The following PTPRM variants were observed in gnomAD, a reference collection of about 807,000 sequenced individuals.
PTPRM encodes protein tyrosine phosphatase receptor type M, also known as receptor-type tyrosine-protein phosphatase mu.
A neutral mutation model predicts 186.7 loss-of-function variants in PTPRM; 47 were observed. The ratio of observed to expected loss-of-function variants is 0.25; its 90% CI spans 0.20 to 0.32. The LOEUF (loss-of-function observed/expected upper bound fraction) is 0.32, where lower values mean the gene tolerates loss of function less well. PTPRM is among the 10% of genes least tolerant of loss of function. The pLI is 1.00. For missense variants in PTPRM, 1,494 were observed against 1,865.0 expected (o/e 0.80, Z 3.66); for synonymous variants, 668 against 674.9 (o/e 0.99, Z 0.16).
At chr18:8,370,863 C>A in intron 23 of PTPRM, 27 bp from the exon 24 acceptor site, 1 of 1,448,522 alleles carries the variant, frequency 6.9e-7, no homozygotes, top group Non-Finnish European at 9.5e-7. Context: ...AACTGTAAAC[C>A]CATAATTTCT....
At chr18:8,286,760 A>G (rs1196969051) in intron 19 of PTPRM, among the ~76,000 whole-genome samples, 3 of 152,232 alleles carry the variant, frequency 2.0e-5, no homozygotes, top group Admixed American at 6.5e-5. Flanking sequence ...CTGTTTTAAA[A>G]GATATTTCTA....
intron 7 of PTPRM, among the ~76,000 whole-genome samples, chr18:7,968,063 C>T (rs2054269718): frequency 9.9e-6 from 1 of 101,452 alleles, no homozygotes; most frequent in African/African-American, 4.6e-5. Context: ...AGAGAAAGGT[C>T]GGGTTACCCT....
chr18:8,358,580 G>C (rs1300681710), intron 23 of PTPRM, among the ~76,000 whole-genome samples: 1 of 152,186 alleles, frequency 6.6e-6, no homozygotes, highest in Non-Finnish European at 1.5e-5. Context: ...GCTAGTGACT[G>C]TGCAGGCATC....
chr18:8,273,279 T>G (rs2147649426), intron 19 of PTPRM, among the ~76,000 whole-genome samples: 1 of 152,280 alleles, frequency 6.6e-6, no homozygotes, highest in East Asian at 1.9e-4. Context: ...CCACCCTACC[T>G]TTTCTTCCCT....
At chr18:7,569,560 T>C (rs976089865) in intron 1 of PTPRM, among the ~76,000 whole-genome samples, 1 of 152,244 alleles carries the variant, frequency 6.6e-6, no homozygotes, top group Non-Finnish European at 1.5e-5. Flanking sequence ...TGGTTTTCTC[T>C]TTATTAACAT....
At chr18:7,977,747 C>G (rs1377424841) in intron 7 of PTPRM, among the ~76,000 whole-genome samples, 1 of 144,538 alleles carries the variant, frequency 6.9e-6, no homozygotes, top group Non-Finnish European at 1.5e-5. Context: ...ACAACAAGAA[C>G]ACAAAGCTCA....
chr18:8,372,056 C>CTT (rs557766971), intron 24 of PTPRM, among the ~76,000 whole-genome samples: 3,022 of 59,000 alleles, frequency 0.051, 729 homozygotes, highest in African/African-American at 0.063. Flanking sequence ...ACTCTATATT[C>CTT]TTTTTTTTTT....
At chr18:7,756,955 A>C (rs564421720) in intron 1 of PTPRM, among the ~76,000 whole-genome samples, 1 of 152,280 alleles carries the variant, frequency 6.6e-6, no homozygotes, top group East Asian at 1.9e-4. Context: ...TGCTGCTCCC[A>C]TCCACCTTTG....
At chr18:8,023,051 G>A (rs1319982042) in intron 7 of PTPRM, among the ~76,000 whole-genome samples, 2 of 152,140 alleles carry the variant, frequency 1.3e-5, no homozygotes, top group African/African-American at 4.8e-5. Flanking sequence ...ATGGGAGCCA[G>A]AAGTCACAAT....
chr18:7,825,940 T>C, intron 2 of PTPRM, among the ~76,000 whole-genome samples: 1 of 152,204 alleles, frequency 6.6e-6, no homozygotes, highest in East Asian at 1.9e-4. Context: ...ATATATTAAC[T>C]CATTTAATCC....
chr18:8,174,750 T>C (rs2093456896), intron 14 of PTPRM, among the ~76,000 whole-genome samples: 1 of 152,220 alleles, frequency 6.6e-6, no homozygotes, highest in Non-Finnish European at 1.5e-5. Context: ...ATAACCTCCA[T>C]TGCTGCTTTC....
chr18:8,209,657 G>A (rs1193361478), intron 14 of PTPRM, among the ~76,000 whole-genome samples: 2 of 151,860 alleles, frequency 1.3e-5, no homozygotes, highest in African/African-American at 2.4e-5. Flanking sequence ...GAGTCTTTAG[G>A]GAGATAATCA....
intron 29 of PTPRM, 38 bp downstream of exon 29, chr18:8,380,465 G>C: frequency 6.2e-7 from 1 of 1,612,174 alleles, no homozygotes; most frequent in Non-Finnish European, 8.5e-7. Flanking sequence ...ACTAGTGCCA[G>C]GGGGTCAAGT....
chr18:8,183,283 G>A (rs973395558), intron 14 of PTPRM, among the ~76,000 whole-genome samples: 3 of 151,954 alleles, frequency 2.0e-5, no homozygotes, highest in Non-Finnish European at 1.5e-5. Context: ...GCTAAATTCT[G>A]TTATGGCTAA....
chr18:8,259,942 C>T (rs1036292189), intron 19 of PTPRM, among the ~76,000 whole-genome samples: 10 of 152,122 alleles, frequency 6.6e-5, no homozygotes, highest in African/African-American at 2.4e-4. Context: ...CTCTCTGGCC[C>T]CAGATCTCCC....
chr18:8,002,225 C>A (rs2147779566), intron 7 of PTPRM, among the ~76,000 whole-genome samples: 1 of 152,290 alleles, frequency 6.6e-6, no homozygotes, highest in African/African-American at 2.4e-5. Flanking sequence ...TGCATAGTTT[C>A]TCCATTTTGT....
chr18:7,741,254 C>G (rs2040878927), intron 1 of PTPRM: 1 of 152,176 alleles, frequency 6.6e-6, no homozygotes. Flanking sequence ...TGAACATGTT[C>G]TTTCATGTGT....
At chr18:7,882,524 G>C (rs1330161071) in intron 2 of PTPRM, among the ~76,000 whole-genome samples, 1 of 152,088 alleles carries the variant, frequency 6.6e-6, no homozygotes, top group Non-Finnish European at 1.5e-5. Context: ...CAAATTTAAA[G>C]GCATGGTCAT....
intron 19 of PTPRM, among the ~76,000 whole-genome samples, chr18:8,281,227 T>G (rs2094900096): frequency 6.6e-6 from 1 of 152,202 alleles, no homozygotes. Context: ...CCTTTCATGT[T>G]TTAGTGTCTC....
Sources: gnomAD v4.1 joint callset for allele counts (sites outside exome capture counted in the v4.1 genomes callset) on GRCh38, gnomAD v4.1.1 for gene constraint, MANE v1.5 for transcripts, NCBI Gene and HGNC (gene_info 2026-07-23, HGNC 2026-07-21) for gene names.